The following ZNF385D variants were observed in gnomAD, a reference collection of about 807,000 sequenced individuals.
ZNF385D encodes the protein zinc finger protein 385D.
A neutral mutation model predicts 35.8 loss-of-function variants in ZNF385D; 15 were observed. That is an observed-to-expected ratio of 0.42 (90% CI 0.28 to 0.64). The LOEUF (loss-of-function observed/expected upper bound fraction) is 0.64, where lower values mean the gene tolerates loss of function less well. Among genes scored for constraint, ZNF385D ranks in the 30% least tolerant of loss-of-function variants. The probability of loss-of-function intolerance (pLI) is 0.23; values close to 1 mark genes in which losing one functional copy is unlikely to be tolerated. For synonymous variants in ZNF385D, 212 were observed against 186.8 expected (o/e 1.13, Z -1.10); for missense variants, 474 against 494.6 (o/e 0.96, Z 0.39).
chr3:21,827,007 C>T (rs529221518), intron 3 of ZNF385D, among the ~76,000 whole-genome samples: 1 of 152,208 alleles, frequency 6.6e-6, no homozygotes, highest in African/African-American at 2.4e-5. Flanking sequence ...CTCTGTGCCT[C>T]TGCTTCTCTA....
At chr3:21,910,537 C>T (rs941634347) in intron 3 of ZNF385D, among the ~76,000 whole-genome samples, 5 of 151,792 alleles carry the variant, frequency 3.3e-5, no homozygotes, top group African/African-American at 1.2e-4. Flanking sequence ...CTCATTTAAA[C>T]ACTAATATAA....
At chr3:21,676,795 T>A (rs1317217517) in intron 1 of ZNF385D, among the ~76,000 whole-genome samples, 1 of 12,488 alleles carries the variant, frequency 8.0e-5, no homozygotes, top group African/African-American at 1.8e-4. Flanking sequence ...CCATATGTAT[T>A]TTTTTTTTTA....
At chr3:22,168,012 A>G (rs1576435253) in intron 3 of ZNF385D, among the ~76,000 whole-genome samples, 1 of 152,220 alleles carries the variant, frequency 6.6e-6, no homozygotes, top group African/African-American at 2.4e-5. Context: ...CTACAAAATT[A>G]TATTAAAAAT....
chr3:21,875,183 A>C (rs1575818413), intron 3 of ZNF385D, among the ~76,000 whole-genome samples: 1 of 152,220 alleles, frequency 6.6e-6, no homozygotes. Flanking sequence ...ATATTAGACC[A>C]TGTCATCTAG....
intron 2 of ZNF385D, among the ~76,000 whole-genome samples, chr3:21,617,776 T>C (rs1429487497): frequency 3.3e-5 from 5 of 152,154 alleles, no homozygotes; most frequent in African/African-American, 1.2e-4. Flanking sequence ...CTTGGTACGA[T>C]GTTTGAGACT....
intron 5 of ZNF385D, among the ~76,000 whole-genome samples, chr3:21,429,874 A>G (rs1297301109): frequency 6.6e-6 from 1 of 152,114 alleles, no homozygotes; most frequent in Non-Finnish European, 1.5e-5. Flanking sequence ...TCAGCTTATA[A>G]ATGGGCAGTA....
chr3:21,609,861 G>C (rs1199632933), intron 2 of ZNF385D, among the ~76,000 whole-genome samples: 1 of 152,196 alleles, frequency 6.6e-6, no homozygotes, highest in Non-Finnish European at 1.5e-5. Context: ...GAGAGAAATA[G>C]AGAGGAGATA....
intron 6 of ZNF385D, among the ~76,000 whole-genome samples, chr3:21,424,743 T>C (rs919942327): frequency 6.9e-6 from 1 of 145,964 alleles, no homozygotes; most frequent in Non-Finnish European, 1.5e-5. Context: ...TCTAAAGGAA[T>C]TTTACATGCA....
intron 2 of ZNF385D, among the ~76,000 whole-genome samples, chr3:22,203,208 C>G (rs1306494312): frequency 2.6e-5 from 4 of 152,076 alleles, no homozygotes; most frequent in South Asian, 2.1e-4. Context: ...TTAGCCACAA[C>G]AGGATAGGGC....
At chr3:21,922,144 G>A (rs1205231830) in intron 3 of ZNF385D, among the ~76,000 whole-genome samples, 1 of 137,308 alleles carries the variant, frequency 7.3e-6, no homozygotes, top group African/African-American at 2.9e-5. Flanking sequence ...TAGATAACAT[G>A]ACAAATGGAA....
chr3:21,889,018 A>T (rs375635673), intron 3 of ZNF385D, among the ~76,000 whole-genome samples: 1 of 152,368 alleles, frequency 6.6e-6, no homozygotes, highest in East Asian at 1.9e-4. Context: ...TTCAGAGAGT[A>T]GACTGTGTGT....
intron 4 of ZNF385D, among the ~76,000 whole-genome samples, chr3:21,503,508 T>C (rs1183077267): frequency 6.6e-6 from 1 of 152,196 alleles, no homozygotes; most frequent in Non-Finnish European, 1.5e-5. Context: ...TTACAAACTA[T>C]TGTTCTACTA....
Position 21,413,586 on chromosome 3 carries a change from C to T in ZNF385D, c.*7628G>A, listed in dbSNP as rs1700521920. ...TTAGCAGGTAAAACCTTATATGATCCTTTGCCAAGAGATTGATATTAGATA... is the reference window on the plus strand; with the variant it reads ...TTAGCAGGTAAAACCTTATATGATCTTTTGCCAAGAGATTGATATTAGATA... On this transcript the variant is annotated 3_prime_UTR_variant, in exon 8 of 8. Transcript: ENST00000281523. 1 of 147,044 alleles carries T rather than the reference C, an allele frequency of 6.8e-6. No individual in the cohort carries two copies. Among genetic ancestry groups the T allele is most frequent in the African/African-American group, 2.4e-5 (1 of 40,926 alleles). The allele number at this position is 147,044 out of a possible 1,614,324, so 9.1% of individuals were successfully genotyped here.
At position 21,425,636 on chromosome 3, in the gene ZNF385D, A is replaced by G. The variant is rs1700984357; in HGVS notation, c.708T>C (p.Asn236=). The change falls in exon 6 of 8, where the codon AAT becomes AAC. Residue 236 remains asparagine (N), a synonymous_variant. Transcript: ENST00000281523. ...TKHKTMLEAR[N]GSGTIKAFPR... is the part of the protein sequence containing the mutation. The stretch of plus-strand genomic sequence containing the variant: ...GAAAGGCTTTGATAGTGCCACTTCC[A>G]TTCCGGGCTTCTAACATGGTTTTGT... 2 of 1,597,126 alleles carry G rather than the reference A, an allele frequency of 1.3e-6. No homozygotes were observed.
At chr3:21,710,431 A>C (rs1401930730) in intron 1 of ZNF385D, among the ~76,000 whole-genome samples, 1 of 152,188 alleles carries the variant, frequency 6.6e-6, no homozygotes, top group Non-Finnish European at 1.5e-5. Context: ...TATAAAGTTC[A>C]ACTGTATGGC....
rs530474498 is a variant in ZNF385D, at chr3:22,047,140, G to A, written c.325+121677C>T. Reference sequence around the variant, plus strand: ...ATTGACAAATAAAAATTATACACATGTATGGTGCACAACATGATGTTCTGA... The same window carrying A: ...ATTGACAAATAAAAATTATACACATATATGGTGCACAACATGATGTTCTGA... On this transcript the variant is annotated intron_variant, in intron 3 of 5. Transcript: ENST00000494108. 3.9e-5 allele frequency among the ~76,000 whole-genome samples: 6 copies of A among 152,172 alleles called. No homozygotes were observed. The South Asian group carries it at 1.0e-3, about 26-fold the overall frequency.
In ZNF385D at chr3:22,139,363, C is replaced by G. The variant is rs185117906; in HGVS notation, c.325+29454G>C. ...CACAATAGCAAAGACTTGGAACCAACCCAAATGTCCAACAATGATAGACTG... is the reference window on the plus strand; with the variant it reads ...CACAATAGCAAAGACTTGGAACCAAGCCAAATGTCCAACAATGATAGACTG... On this transcript the variant is annotated intron_variant, in intron 3 of 5. Coordinates refer to the ZNF385D transcript ENST00000494108. 5.8e-3 allele frequency among the ~76,000 whole-genome samples: 879 copies of G among 152,200 alleles called. 7 individuals carry two copies. Among genetic ancestry groups the G allele is most frequent in the African/African-American group, 0.019 (774 of 41,504 alleles).
At chr3:22,233,331 T>C (rs1171732156) in intron 2 of ZNF385D, among the ~76,000 whole-genome samples, 1 of 152,086 alleles carries the variant, frequency 6.6e-6, no homozygotes, top group Non-Finnish European at 1.5e-5. Flanking sequence ...AAAGGGTAAG[T>C]ACTATATTAT....
chr3:21,846,647 G>C (rs1003948767), intron 3 of ZNF385D, among the ~76,000 whole-genome samples: 1 of 151,992 alleles, frequency 6.6e-6, no homozygotes. Flanking sequence ...GGCGATCTAA[G>C]AGAATGGAAA....
Sources: allele counts gnomAD v4.1 joint callset (sites outside exome capture counted in the v4.1 genomes callset), GRCh38; gene constraint gnomAD v4.1.1; transcripts MANE v1.5; gene names NCBI Gene and HGNC (gene_info 2026-07-23, HGNC 2026-07-21).